The following PRDM2 variants were observed in gnomAD, a reference collection of about 807,000 sequenced individuals.
PRDM2 encodes the protein PR domain zinc finger protein 2.
Under a neutral mutation model 130.0 loss-of-function variants are expected in PRDM2, and 30 were observed. The ratio of observed to expected loss-of-function variants is 0.23; its 90% CI spans 0.17 to 0.31. The LOEUF (loss-of-function observed/expected upper bound fraction) is 0.31. PRDM2 is among the 10% of genes least tolerant of loss of function. PRDM2 has a pLI of 1.00. For synonymous variants in PRDM2, 871 were observed against 782.4 expected (o/e 1.11, Z -1.89); for missense variants, 2,011 against 2,108.4 (o/e 0.95, Z 0.90).
At chr1:13,778,329 G>A in intron 7 of PRDM2, 89 bp from the exon 8 acceptor site, 1 of 1,325,990 alleles carries the variant, frequency 7.5e-7, no homozygotes, top group East Asian at 2.3e-5. Context: ...TAGGTGGTAA[G>A]AGAAATAACT....
chr1:13,767,997 A>C (rs1233500690), intron 6 of PRDM2, among the ~76,000 whole-genome samples: 1 of 152,028 alleles, frequency 6.6e-6, no homozygotes, highest in African/African-American at 2.4e-5. Context: ...CAAAAGAAAA[A>C]GTATGCATAT....
intron 1 of PRDM2, among the ~76,000 whole-genome samples, chr1:13,700,614 CGTGCGGGCTGCAGAGACTGGCCGG>C (rs1295212745): frequency 1.3e-5 from 2 of 151,550 alleles, no homozygotes; most frequent in African/African-American, 2.4e-5. Flanking sequence ...GCGGGGGACG[CGTGCGGGCTGCAGAGACTGGCCGG>C]GTGCGGGCGG....
chr1:13,744,776 C>T (rs1363846122), intron 5 of PRDM2, among the ~76,000 whole-genome samples: 2 of 152,178 alleles, frequency 1.3e-5, no homozygotes, highest in African/African-American at 4.8e-5. Context: ...AGACCTCCCC[C>T]AGTCTTTATC....
intron 6 of PRDM2, among the ~76,000 whole-genome samples, chr1:13,757,778 CTT>C (rs34501705): frequency 0.096 from 10,180 of 106,046 alleles, 404 homozygotes; most frequent in Middle Eastern, 0.24. Context: ...AGGTGGATAG[CTT>C]TTTTTTTTTT....
At position 13,782,798 on chromosome 1, in the gene PRDM2, A is replaced by G; in HGVS notation, c.5003A>G (p.Asp1668Gly). ...AADLSENKRE[D>G]GSAKQELKDF... ...GACTTGAGTGAGAACAAGAGAGAGG[A>G]CGGCAGCGCCAAGCAGGAGCTGAAG... The change falls in exon 8 of 10, where the codon GAC becomes GGC. Residue 1668 changes from aspartate (D) to glycine (G), a missense_variant. Around this residue, in one of 5 missense-constraint regions of PRDM2, gnomAD observed 410 missense variants for 395.9 expected, o/e 1.04. Transcript: ENST00000311066. 4 of 1,608,206 alleles carry G rather than the reference A, an allele frequency of 2.5e-6. No homozygotes were observed. Among genetic ancestry groups the G allele is most frequent in the Non-Finnish European group, 2.5e-6 (3 of 1,178,644 alleles).
rs755621339 is a variant in PRDM2 at position 13,742,040 on chromosome 1, T to C, written c.267T>C (p.Asp89=). Residue 89 remains aspartate, a synonymous_variant, in exon 5 of 10, where the codon GAT becomes GAC. Coordinates refer to ENST00000311066, the MANE Select transcript of PRDM2 (RefSeq NM_001393986.1). The part of the protein sequence containing the change: ...YYPNLGWMCI[D]ATDPEKGNWL... Reference sequence around the variant, plus strand: ...CAAATTTGGGATGGATGTGCATTGATGCCACTGATCCAGAGAAGGGAAACT... The same window carrying C: ...CAAATTTGGGATGGATGTGCATTGACGCCACTGATCCAGAGAAGGGAAACT... 1.6e-5 allele frequency: 26 copies of C among 1,591,784 alleles called. No individual in the cohort carries two copies. The South Asian group carries it at 1.8e-4, about 11-fold the overall frequency.
rs748197614 is a variant in PRDM2 at position 13,781,821 on chromosome 1, C to T, written c.4026C>T (p.Val1342=). ...AIRCTKCGKG[V]DNMPELHKHI... ...GCTGCACAAAGTGTGGAAAAGGTGT[C>T]GACAATATGCCGGAGTTGCACAAAC... The change falls in exon 8 of 10, where the codon GTC becomes GTT. Residue 1342 remains valine (V), a synonymous_variant. Coordinates refer to ENST00000311066, the MANE Select transcript of PRDM2 (RefSeq NM_001393986.1). This position sits in a 1 kb window ranked among gnomAD's most constrained non-coding sequence, Gnocchi z 6.1. 76 of 1,613,992 alleles carry T rather than the reference C, an allele frequency of 4.7e-5. No homozygotes were observed. The highest frequency in any genetic ancestry group is 1.1e-4 in the African/African-American group (8 of 74,898).
chr1:13,738,081 T>G (rs1643325184), intron 4 of PRDM2, among the ~76,000 whole-genome samples: 1 of 152,092 alleles, frequency 6.6e-6, no homozygotes, highest in Admixed American at 6.6e-5. Context: ...AAAAAGATGA[T>G]CTCACTTTGG....
intron 6 of PRDM2, among the ~76,000 whole-genome samples, chr1:13,768,718 G>GT (rs1644291129): frequency 1.3e-5 from 2 of 152,182 alleles, no homozygotes; most frequent in South Asian, 4.1e-4. Flanking sequence ...AGCTACTGTA[G>GT]TCGTGTGTCA....
chr1:13,717,461 T>C (rs1378252339), intron 2 of PRDM2: 1 of 980,656 alleles, frequency 1.0e-6, no homozygotes, highest in Admixed American at 6.1e-5. Context: ...AATGTTAATA[T>C]TGTTCTTGTT....
chr1:13,753,502 C>T (rs543887189), intron 6 of PRDM2, among the ~76,000 whole-genome samples: 80 of 152,272 alleles, frequency 5.3e-4, no homozygotes, highest in Non-Finnish European at 9.0e-4. Flanking sequence ...GGTACTGTGA[C>T]GACACTCAAG....
chr1:13,785,100 T>G (rs556702976), intron 8 of PRDM2, among the ~76,000 whole-genome samples: 1 of 152,332 alleles, frequency 6.6e-6, no homozygotes, highest in East Asian at 1.9e-4. Flanking sequence ...CATTAACGTG[T>G]TGCCCAGGGC....
chr1:13,719,507 T>C (rs923254922), intron 2 of PRDM2, among the ~76,000 whole-genome samples: 2 of 152,188 alleles, frequency 1.3e-5, no homozygotes, highest in African/African-American at 2.4e-5. Context: ...GAGACTGGAT[T>C]GTAAGGGAGC....
At chr1:13,753,510 A>C (rs1643884940) in intron 6 of PRDM2, among the ~76,000 whole-genome samples, 2 of 152,218 alleles carry the variant, frequency 1.3e-5, no homozygotes, top group Admixed American at 1.3e-4. Context: ...GACGACACTC[A>C]AGTTTTTTGA....
At chr1:13,787,465 C>G (rs1644765157) in intron 8 of PRDM2, 1 of 985,134 alleles carries the variant, frequency 1.0e-6, no homozygotes, top group Non-Finnish European at 1.2e-6. Context: ...TTTATTCATA[C>G]TGTTTTTTGT....
Position 13,781,382 on chromosome 1 carries a change from G to A in PRDM2, c.3587G>A (p.Cys1196Tyr). ...GGGAATATCTTTGTGTGTTCTGTTT[G>A]TAAAAAAGAATTTGCTTTTTTGTGC... The part of the protein sequence containing the change: ...GVGNIFVCSV[C>Y]KKEFAFLCNL... Residue 1196 changes from cysteine to tyrosine, a missense_variant, in exon 8 of 10, where the codon TGT (cysteine) becomes TAT (tyrosine). By Grantham distance (194) the Cys-to-Tyr change is radical (BLOSUM62 -2). Around this residue, in one of 5 missense-constraint regions of PRDM2, gnomAD observed 229 missense variants for 364.1 expected, o/e 0.63. Coordinates refer to ENST00000311066, the MANE Select transcript of PRDM2 (RefSeq NM_001393986.1). This position sits in a 1 kb window ranked among gnomAD's most constrained non-coding sequence, Gnocchi z 6.1. 1 of 1,614,108 alleles carries A rather than the reference G, an allele frequency of 6.2e-7. No homozygotes were observed. Among genetic ancestry groups the A allele is most frequent in the Non-Finnish European group, 8.5e-7 (1 of 1,180,028 alleles).
chr1:13,715,897 T>C (rs1340624775), intron 2 of PRDM2, among the ~76,000 whole-genome samples: 1 of 152,246 alleles, frequency 6.6e-6, no homozygotes, highest in Non-Finnish European at 1.5e-5. Flanking sequence ...TGCCACACTC[T>C]AGTGTGAGTT....
Position 13,778,866 on chromosome 1 carries a change from G to A in PRDM2, c.1071G>A (p.Thr357=), listed in dbSNP as rs776970580. The change falls in exon 8 of 10, where the codon ACG becomes ACA. Residue 357 remains threonine, a synonymous_variant. Coordinates refer to ENST00000311066, the MANE Select transcript of PRDM2 (RefSeq NM_001393986.1). The stretch of plus-strand genomic sequence containing the variant: ...AGGCCAATGGTGATGTATTTGAAAC[G>A]TTTATGTTTCCGTGTCAACATTGTG... The part of the protein sequence containing the change: ...KEEANGDVFE[T]FMFPCQHCER... The A allele has an allele frequency of 1.4e-5, 22 of 1,614,086 alleles. No homozygotes were observed. Among genetic ancestry groups the A allele is most frequent in the Admixed American group, 1.7e-5 (1 of 59,996 alleles).
chr1:13,709,519 C>T (rs1642305249), intron 1 of PRDM2, among the ~76,000 whole-genome samples: 1 of 152,134 alleles, frequency 6.6e-6, no homozygotes, highest in African/African-American at 2.4e-5. Context: ...AGAGTAAGGT[C>T]AGTGTTAGAC....
Sources: allele counts gnomAD v4.1 joint callset (sites outside exome capture counted in the v4.1 genomes callset), GRCh38; gene constraint gnomAD v4.1.1; regional missense constraint gnomAD v4.1.1; non-coding constraint Gnocchi (gnomAD v3.1); transcripts MANE v1.5; gene names NCBI Gene and HGNC (gene_info 2026-07-23, HGNC 2026-07-21).